C12orf42: variants seen among roughly 807,000 people sequenced by gnomAD.
The protein encoded by C12orf42 is uncharacterized protein C12orf42.
A neutral mutation model predicts 21.6 loss-of-function variants in C12orf42; 25 were observed. The observed-to-expected ratio is 1.16, with a 90% CI of 0.84 to 1.62. C12orf42 has a LOEUF of 1.62. C12orf42 is among the 40% of genes most tolerant of loss of function. The probability of loss-of-function intolerance (pLI) is 0.00; values close to 1 mark genes in which losing one functional copy is unlikely to be tolerated. For synonymous variants in C12orf42, 174 were observed against 175.0 expected (o/e 0.99, Z 0.05); for missense variants, 483 against 459.3 (o/e 1.05, Z -0.47).
In C12orf42 at chr12:103,401,321, C is replaced by A. The variant is rs571232640; in HGVS notation, c.147+286G>T. ...CCACATACAGGCACTGCAAAGACCC[C>A]TAATGCACTGTGATTTCTATTCTTG... On this transcript the variant is annotated intron_variant, in intron 3 of 5. Coordinates refer to ENST00000548883, the MANE Select transcript of C12orf42 (RefSeq NM_198521.5). 3.3e-5 allele frequency among the ~76,000 whole-genome samples: 5 copies of A among 152,290 alleles called. No homozygotes were observed. In the South Asian group the frequency reaches 1.0e-3, roughly 32 times the overall value.
At chr12:103,462,110 T>TTTTTTTTTTTTTTTTTTG (rs1565868142) in intron 2 of C12orf42, among the ~76,000 whole-genome samples, 6 of 92,624 alleles carry the variant, frequency 6.5e-5, no homozygotes, top group Non-Finnish European at 1.3e-4. Flanking sequence ...TTTTTTTTTT[T>TTTTTTTTTTTTTTTTTTG]TTTTTTTTTT....
At chr12:103,436,773 C>A (rs866403290) in intron 2 of C12orf42, among the ~76,000 whole-genome samples, 1 of 152,144 alleles carries the variant, frequency 6.6e-6, no homozygotes, top group East Asian at 1.9e-4. Flanking sequence ...AAGTGACCTA[C>A]AAAGAGACTT....
chr12:103,390,077 G>A (rs2046944750), intron 3 of C12orf42, among the ~76,000 whole-genome samples: 1 of 151,978 alleles, frequency 6.6e-6, no homozygotes, highest in South Asian at 2.1e-4. Context: ...TTCCACTGTT[G>A]CCAGCCTCCA....
At chr12:103,249,696 A>C (rs370625816) in intron 10 of C12orf42, among the ~76,000 whole-genome samples, 1 of 152,150 alleles carries the variant, frequency 6.6e-6, no homozygotes, top group Non-Finnish European at 1.5e-5. Context: ...TCAGTACAGC[A>C]CATATTAAAT....
At chr12:103,167,843 A>C in the C12orf42 span, among the ~76,000 whole-genome samples, 38 of 151,946 alleles carry the variant, frequency 2.5e-4, no homozygotes, top group African/African-American at 8.0e-4. Context: ...CTAGAAACAG[A>C]AAGAAATATG....
chr12:103,185,264 A>T, the C12orf42 span, among the ~76,000 whole-genome samples: 1 of 152,152 alleles, frequency 6.6e-6, no homozygotes, highest in Non-Finnish European at 1.5e-5. Flanking sequence ...ACATTTCTGG[A>T]CTACCTGTGC....
chr12:103,535,129 A>C, the C12orf42 span, among the ~76,000 whole-genome samples: 4 of 152,150 alleles, frequency 2.6e-5, no homozygotes, highest in Admixed American at 6.5e-5. Flanking sequence ...GTGAGAGACT[A>C]TGGCAGGCCA....
intron 4 of C12orf42, among the ~76,000 whole-genome samples, chr12:103,323,768 T>TTA (rs1055347747): frequency 3.7e-4 from 57 of 152,156 alleles, no homozygotes; most frequent in African/African-American, 1.3e-3. Context: ...AAAATGAAAA[T>TTA]AAGAAAAAAG....
At chr12:103,380,634 A>G (rs919999908) in intron 3 of C12orf42, among the ~76,000 whole-genome samples, 1 of 152,218 alleles carries the variant, frequency 6.6e-6, no homozygotes, top group African/African-American at 2.4e-5. Context: ...GATTCTCCAA[A>G]CCATAAAGAA....
chr12:103,251,178 G>T (rs1271055488), intron 10 of C12orf42, among the ~76,000 whole-genome samples: 2 of 152,062 alleles, frequency 1.3e-5, no homozygotes, highest in African/African-American at 4.8e-5. Flanking sequence ...GGCACCATCA[G>T]ACACTTGGTT....
At position 103,348,794 on chromosome 12, in the gene C12orf42, G is replaced by T. The variant is rs2042852650; in HGVS notation, c.259+20093C>A. On this transcript the variant is annotated intron_variant, in intron 4 of 5. Transcript: ENST00000548883. ...ATGATTAAAAACAACAGGATGAACA[G>T]CAAAGACCAATCAGCAGAGACAAAA... 1.3e-5 allele frequency among the ~76,000 whole-genome samples: 2 copies of T among 152,098 alleles called. 1 individual carries two copies. Among genetic ancestry groups the T allele is most frequent in the South Asian group, 4.1e-4 (2 of 4,832 alleles).
At chr12:103,436,738 C>G (rs1374316546) in intron 2 of C12orf42, among the ~76,000 whole-genome samples, 1 of 152,050 alleles carries the variant, frequency 6.6e-6, no homozygotes, top group East Asian at 1.9e-4. Flanking sequence ...ACAGGAGCAC[C>G]CAGATTCATA....
chr12:103,316,086 G>T (rs1256292981), intron 4 of C12orf42, among the ~76,000 whole-genome samples: 1 of 146,574 alleles, frequency 6.8e-6, no homozygotes, highest in Admixed American at 6.8e-5. Context: ...ATATAGTACT[G>T]TATATATATA....
the C12orf42 span, among the ~76,000 whole-genome samples, chr12:103,154,030 A>C: frequency 9.1e-6 from 1 of 110,258 alleles, no homozygotes; most frequent in African/African-American, 4.3e-5. Flanking sequence ...CTCAGCAAAA[A>C]AAAAAAAAAA....
intron 4 of C12orf42, among the ~76,000 whole-genome samples, chr12:103,350,623 G>A (rs567573963): frequency 1.2e-4 from 19 of 152,132 alleles, no homozygotes; most frequent in Non-Finnish European, 2.2e-4. Context: ...AGTTTCAGTC[G>A]TCCACTGGGA....
intron 4 of C12orf42, among the ~76,000 whole-genome samples, chr12:103,323,814 C>A (rs2040416981): frequency 1.3e-5 from 2 of 152,028 alleles, no homozygotes; most frequent in Admixed American, 1.3e-4. Flanking sequence ...TACACCCCAG[C>A]CCAAGATATT....
chr12:103,473,967 A>C (rs1953833624), intron 2 of C12orf42, among the ~76,000 whole-genome samples: 1 of 152,170 alleles, frequency 6.6e-6, no homozygotes, highest in Non-Finnish European at 1.5e-5. Context: ...CTTAATACTC[A>C]GATTAGTCTT....
chr12:103,068,932 CACATATATATATAT>C, the C12orf42 span, among the ~76,000 whole-genome samples: 628 of 48,192 alleles, frequency 0.013, 53 homozygotes, highest in African/African-American at 0.02. Context: ...TCTCTCTCTC[CACATATATATATAT>C]ATATATATAT....
intron 4 of C12orf42, among the ~76,000 whole-genome samples, chr12:103,335,864 A>C (rs748205711): frequency 1.3e-5 from 2 of 152,236 alleles, no homozygotes; most frequent in Non-Finnish European, 2.9e-5. Context: ...CAAAATGCGA[A>C]TTAGCTCCAG....
Sources: gnomAD v4.1 joint callset for allele counts (sites outside exome capture counted in the v4.1 genomes callset) on GRCh38, gnomAD v4.1.1 for gene constraint, MANE v1.5 for transcripts, NCBI Gene and HGNC (gene_info 2026-07-23, HGNC 2026-07-21) for gene names.